CLDN10: variants seen among roughly 807,000 people sequenced by gnomAD.
CLDN10 encodes claudin 10.
CLDN10 carries 15 observed loss-of-function variants against 22.9 expected under a neutral mutation model. The observed-to-expected ratio is 0.65, with a 90% CI of 0.44 to 1.01. The LOEUF is 1.01. CLDN10 is among the 50% of genes least tolerant of loss of function. The pLI is 0.00. For missense variants in CLDN10, 247 were observed against 287.8 expected (o/e 0.86, Z 1.03); for synonymous variants, 114 against 111.4 (o/e 1.02, Z -0.15).
chr13:95,572,979 CAAGTTG>C (rs1466534416), intron 3 of CLDN10, among the ~76,000 whole-genome samples: 1 of 152,200 alleles, frequency 6.6e-6, no homozygotes, highest in African/African-American at 2.4e-5. Context: ...GGCTAAACTA[CAAGTTG>C]AAGTATGAAA....
chr13:95,451,118 T>C (rs1379559166), intron 1 of CLDN10, among the ~76,000 whole-genome samples: 1 of 152,188 alleles, frequency 6.6e-6, no homozygotes, highest in Non-Finnish European at 1.5e-5. Flanking sequence ...ACTGTATAAT[T>C]CTTGAGTCCT....
At chr13:95,562,938 C>T (rs1169434405) in intron 3 of CLDN10, among the ~76,000 whole-genome samples, 3 of 152,148 alleles carry the variant, frequency 2.0e-5, no homozygotes, top group Non-Finnish European at 4.4e-5. Flanking sequence ...AGTGTAGTGC[C>T]ATTGGAATTT....
intron 1 of CLDN10, among the ~76,000 whole-genome samples, chr13:95,476,603 G>A (rs7984974): frequency 0.45 from 67,849 of 151,898 alleles, 15,208 homozygotes; most frequent in Middle Eastern, 0.53. Context: ...AGCTGTGGGT[G>A]AAGATTCAAA....
At chr13:95,526,711 C>T (rs950657848) in intron 1 of CLDN10, among the ~76,000 whole-genome samples, 3 of 151,934 alleles carry the variant, frequency 2.0e-5, no homozygotes, top group African/African-American at 7.3e-5. Context: ...TCACTTGAAC[C>T]GGGAGGTGGA....
At chr13:95,564,921 C>A (rs978055016) in intron 3 of CLDN10, among the ~76,000 whole-genome samples, 15 of 152,174 alleles carry the variant, frequency 9.9e-5, no homozygotes, top group African/African-American at 3.4e-4. Flanking sequence ...AATCATTTGA[C>A]AGAACTGCAA....
At chr13:95,494,036 A>G (rs1488106910) in intron 1 of CLDN10, among the ~76,000 whole-genome samples, 1 of 152,228 alleles carries the variant, frequency 6.6e-6, no homozygotes, top group African/African-American at 2.4e-5. Context: ...TAACATAACC[A>G]CAATACCAAT....
chr13:95,479,785 C>T (rs1393891510), intron 1 of CLDN10: 1 of 152,148 alleles, frequency 6.6e-6, no homozygotes, highest in East Asian at 1.9e-4. Context: ...GGGTTTGAAC[C>T]CACATTGGCT....
intron 1 of CLDN10, among the ~76,000 whole-genome samples, chr13:95,442,075 A>G (rs2042329897): frequency 6.6e-6 from 1 of 152,178 alleles, no homozygotes; most frequent in South Asian, 2.1e-4. Flanking sequence ...CACCTGAGCC[A>G]GGGAGGTCAA....
chr13:95,489,038 G>A lies in CLDN10; in HGVS notation c.214+54991G>A, dbSNP rs370141090. On this transcript the variant is annotated intron_variant, in intron 1 of 4. Transcript: ENST00000376873. ...ATGATCTCTGCTCACTGCAACCTCC[G>A]GCTCCTGGGTTCAAGTAATTCTCCT... Among the ~76,000 whole-genome samples, 7 of 142,056 alleles carry A rather than the reference G, an allele frequency of 4.9e-5. No homozygotes were observed. In the East Asian group the frequency reaches 1.1e-3, roughly 22 times the overall value. The allele number at this position is 142,056 out of a possible 152,430, so 93.2% of individuals were successfully genotyped here.
At chr13:95,540,413 G>A (rs2043448001) in intron 1 of CLDN10, among the ~76,000 whole-genome samples, 1 of 152,066 alleles carries the variant, frequency 6.6e-6, no homozygotes, top group African/African-American at 2.4e-5. Context: ...AGAATCGCTT[G>A]AGCCTGGGAG....
rs746573300 is a variant in CLDN10 at position 95,471,440 on chromosome 13, C to CACACACATATATATATATATAT, written c.214+37394_214+37395insCACACATATATATATATATATA. Among the ~76,000 whole-genome samples the CACACACATATATATATATATAT allele has an allele frequency of 2.9e-5, 3 of 104,380 alleles. 1 individual carries two copies. Among genetic ancestry groups the CACACACATATATATATATATAT allele is most frequent in the African/African-American group, 7.9e-5 (2 of 25,262 alleles). 68.5% of individuals were successfully genotyped at this position (104,380 alleles called of 152,430 possible). A position where few individuals can be genotyped will look rare whatever the true frequency, so the allele number is the denominator to read the frequency against. On this transcript the variant is annotated intron_variant, in intron 1 of 4. Coordinates refer to the CLDN10 transcript ENST00000376873. ...ATATACACACACACACACACACACA[C>CACACACATATATATATATATAT]ATATATATATATATTTTTTTTTTTT...
At chr13:95,532,546 GA>G (rs376428531) in intron 1 of CLDN10, among the ~76,000 whole-genome samples, 11 of 152,112 alleles carry the variant, frequency 7.2e-5, no homozygotes, top group African/African-American at 2.7e-4. Context: ...TGGTTAGTGG[GA>G]ATATAAAATA....
In CLDN10 at chr13:95,471,453, A is replaced by ATATATATAT. The variant is rs776857009; in HGVS notation, c.214+37407_214+37408insATATATATT. Among the ~76,000 whole-genome samples the ATATATATAT allele has an allele frequency of 3.7e-3, 394 of 106,366 alleles. 8 individuals are homozygous for ATATATATAT. The highest frequency in any genetic ancestry group is 0.014 in the African/African-American group (344 of 24,950). 69.8% of individuals were successfully genotyped at this position (106,366 alleles called of 152,430 possible). On this transcript the variant is annotated intron_variant, in intron 1 of 4. Coordinates refer to the CLDN10 transcript ENST00000376873. The stretch of plus-strand genomic sequence containing the variant: ...CACACACACACACATATATATATAT[A>ATATATATAT]TTTTTTTTTTTTTTTTTGAGATGGA...
chr13:95,516,230 A>G (rs1399865184), intron 1 of CLDN10, among the ~76,000 whole-genome samples: 2 of 152,246 alleles, frequency 1.3e-5, no homozygotes, highest in Non-Finnish European at 2.9e-5. Context: ...TCTCATCTGT[A>G]TCGGTTGGCC....
At position 95,560,252 on chromosome 13, in the gene CLDN10, C is replaced by A; in HGVS notation, c.341C>A (p.Ala114Asp). The change falls in exon 2 of 5, where the codon GCT becomes GAT. Residue 114 changes from alanine (A) to aspartate (D), a missense_variant. Coordinates refer to ENST00000299339, the MANE Select transcript of CLDN10 (RefSeq NM_006984.5). ...TKVGGSDKAK[A>D]KIACLAGIVF... ...GTCGGAGGCTCCGATAAAGCCAAAGCTAAAATTGCTTGTTTGGCTGGGATT... is the reference window on the plus strand; with the variant it reads ...GTCGGAGGCTCCGATAAAGCCAAAGATAAAATTGCTTGTTTGGCTGGGATT... 6.2e-7 allele frequency: 1 copy of A among 1,614,158 alleles called. No individual in the cohort carries two copies. The highest frequency in any genetic ancestry group is 8.5e-7 in the Non-Finnish European group (1 of 1,180,012).
intron 1 of CLDN10, among the ~76,000 whole-genome samples, chr13:95,475,533 T>C (rs753312784): frequency 2.0e-5 from 3 of 152,184 alleles, no homozygotes; most frequent in Non-Finnish European, 4.4e-5. Context: ...ACCAGTGGGC[T>C]TCTCTGCTGC....
In CLDN10 at chr13:95,570,644, A is replaced by G. The variant is rs1236348845; in HGVS notation, c.465-6587A>G. 2.0e-5 allele frequency among the ~76,000 whole-genome samples: 3 copies of G among 151,788 alleles called. No individual in the cohort carries two copies. The East Asian group carries it at 5.8e-4, about 29-fold the overall frequency. On this transcript the variant is annotated intron_variant, in intron 3 of 4. Coordinates refer to ENST00000299339, the MANE Select transcript of CLDN10 (RefSeq NM_006984.5). Reference sequence around the variant, plus strand: ...GGCCCGGGCCAGAGTCCTGGCCCTTACTCTACTGTTATATTAGGTAGATTG... The same window carrying G: ...GGCCCGGGCCAGAGTCCTGGCCCTTGCTCTACTGTTATATTAGGTAGATTG...
intron 1 of CLDN10, among the ~76,000 whole-genome samples, chr13:95,495,759 G>GAAAA (rs796410360): frequency 8.0e-6 from 1 of 124,244 alleles, no homozygotes; most frequent in East Asian, 2.3e-4. Context: ...AAAAAAAAAA[G>GAAAA]AAAAGAAAGA....
At chr13:95,447,724 G>C (rs36071128) in intron 1 of CLDN10, among the ~76,000 whole-genome samples, 6 of 149,736 alleles carry the variant, frequency 4.0e-5, no homozygotes, top group Admixed American at 6.8e-5. Flanking sequence ...GGGAAAACGA[G>C]AAGGGGGAGT....
Sources: allele counts gnomAD v4.1 joint callset (sites outside exome capture counted in the v4.1 genomes callset), GRCh38; gene constraint gnomAD v4.1.1; transcripts MANE v1.5; gene names NCBI Gene and HGNC (gene_info 2026-07-23, HGNC 2026-07-21).